Variants in MYO9B observed in about 807,000 individuals in gnomAD.
MYO9B encodes unconventional myosin-IXb.
MYO9B carries 71 observed loss-of-function variants against 229.5 expected under a neutral mutation model. The ratio of observed to expected loss-of-function variants is 0.31; its 90% confidence interval spans 0.26 to 0.38. The LOEUF (loss-of-function observed/expected upper bound fraction) is 0.38, where lower values mean the gene tolerates loss of function less well. MYO9B is among the 10% of genes least tolerant of loss of function. MYO9B has a pLI of 1.00. For synonymous variants in MYO9B, 1,185 were observed against 1,235.8 expected, an observed-to-expected ratio of 0.96 and a Z score of 0.86; for missense variants, 2,255 against 2,920.5, an observed-to-expected ratio of 0.77 and a Z score of 5.25.
chr19:17,179,122 G>A (rs1455442258), intron 14 of MYO9B, among the ~76,000 whole-genome samples: 1 of 151,624 alleles, frequency 6.6e-6, no homozygotes, highest in African/African-American at 2.4e-5. Flanking sequence ...ACTGTAGGGT[G>A]TTGAGCAGCA....
intron 2 of MYO9B, among the ~76,000 whole-genome samples, chr19:17,134,322 A>G (rs1161482297): frequency 7.0e-6 from 1 of 143,086 alleles, no homozygotes. Context: ...AGTATCCCTC[A>G]GCTTCATCCA....
At chr19:17,167,898 T>C in intron 10 of MYO9B, 45 bp from the exon 11 acceptor site, 1 of 1,549,788 alleles carries the variant, frequency 6.5e-7, no homozygotes, top group Non-Finnish European at 8.7e-7. Context: ...AGATATTACA[T>C]ATCTGGGAGA....
intron 2 of MYO9B, among the ~76,000 whole-genome samples, 180 bp downstream of exon 2, chr19:17,102,737 CAAA>C (rs1197090249): frequency 7.5e-6 from 1 of 132,894 alleles, no homozygotes; most frequent in Non-Finnish European, 1.6e-5. Flanking sequence ...CTTTTCTCTA[CAAA>C]AAAAAAAAAA....
chr19:17,153,265 C>T (rs1217977127), intron 4 of MYO9B, among the ~76,000 whole-genome samples: 1 of 151,640 alleles, frequency 6.6e-6, no homozygotes, highest in African/African-American at 2.4e-5. Flanking sequence ...CTCACTGCAA[C>T]CTCCGCCTCC....
intron 6 of MYO9B, among the ~76,000 whole-genome samples, chr19:17,155,821 C>A (rs775665879): frequency 1.6e-4 from 25 of 152,004 alleles, no homozygotes; most frequent in Non-Finnish European, 8.8e-5. Flanking sequence ...GAGTTCAAGG[C>A]CAGGCTGGGC....
chr19:17,160,674 A>AT (rs1007167076), intron 8 of MYO9B, among the ~76,000 whole-genome samples: 22 of 147,194 alleles, frequency 1.5e-4, no homozygotes, highest in Non-Finnish European at 3.0e-5. Context: ...GGCCTGGCTA[A>AT]TTTTTTTTGC....
At chr19:17,175,014 C>T (rs1351160826) in intron 13 of MYO9B, among the ~76,000 whole-genome samples, 3 of 151,596 alleles carry the variant, frequency 2.0e-5, no homozygotes, top group Non-Finnish European at 2.9e-5. Context: ...CAATGGTGCA[C>T]ACCGGTAGTC....
At chr19:17,140,684 C>A (rs900388187) in intron 2 of MYO9B, among the ~76,000 whole-genome samples, 1 of 151,606 alleles carries the variant, frequency 6.6e-6, no homozygotes, top group Non-Finnish European at 1.5e-5. Context: ...GACAGGGTTT[C>A]TCCATATTGG....
chr19:17,084,618 C>T (rs1380802839), intron 1 of MYO9B, among the ~76,000 whole-genome samples: 2 of 150,280 alleles, frequency 1.3e-5, no homozygotes. Flanking sequence ...AATCCCAACA[C>T]TTTGGGAGGC....
At chr19:17,088,941 G>A (rs78843736) in intron 1 of MYO9B, among the ~76,000 whole-genome samples, 9,808 of 152,132 alleles carry the variant, frequency 0.064, 341 homozygotes, top group South Asian at 0.11. Flanking sequence ...GCCTCCCAAA[G>A]TGCTAGGATT....
chr19:17,164,080 C>G (rs2072633723), intron 10 of MYO9B, among the ~76,000 whole-genome samples: 1 of 152,128 alleles, frequency 6.6e-6, no homozygotes, highest in African/African-American at 2.4e-5. Context: ...ACAGCTGCAG[C>G]ATTTTATAAG....
chr19:17,078,782 C>G (rs1055543831), intron 1 of MYO9B, among the ~76,000 whole-genome samples: 1 of 152,212 alleles, frequency 6.6e-6, no homozygotes, highest in Admixed American at 6.5e-5. Context: ...GAAGCCCGGC[C>G]TGTACAGGGC....
intron 18 of MYO9B, 54 bp from the exon 19 acceptor site, chr19:17,187,881 G>C: frequency 6.9e-7 from 1 of 1,456,422 alleles, no homozygotes; most frequent in Non-Finnish European, 9.4e-7. Flanking sequence ...CAACAGACTT[G>C]GGCATCCTGT....
intron 1 of MYO9B, among the ~76,000 whole-genome samples, chr19:17,098,783 T>A (rs965923352): frequency 2.6e-5 from 4 of 151,878 alleles, no homozygotes; most frequent in Non-Finnish European, 5.9e-5. Context: ...TACAGAAACA[T>A]TAGCCAGCAT....
chr19:17,099,669 T>C (rs142590136), intron 1 of MYO9B, among the ~76,000 whole-genome samples: 1,801 of 151,672 alleles, frequency 0.012, 46 homozygotes, highest in African/African-American at 0.041. Flanking sequence ...CAAAAAAAAA[T>C]TAGCCAGGCG....
intron 6 of MYO9B, 105 bp downstream of exon 6, chr19:17,154,520 C>T: frequency 1.2e-6 from 1 of 820,490 alleles, no homozygotes; most frequent in East Asian, 2.6e-5. Context: ...TGAAAACAGG[C>T]AGGCAGTGTC....
At chr19:17,126,695 C>T (rs1209621656) in intron 2 of MYO9B, among the ~76,000 whole-genome samples, 8 of 146,482 alleles carry the variant, frequency 5.5e-5, no homozygotes, top group African/African-American at 1.3e-4. Flanking sequence ...GACGGAGTCT[C>T]GCCCTGTTGC....
intron 2 of MYO9B, among the ~76,000 whole-genome samples, chr19:17,105,284 T>C (rs2057781810): frequency 2.4e-5 from 3 of 126,250 alleles, no homozygotes; most frequent in Non-Finnish European, 3.1e-5. Context: ...GAGTTCCAGA[T>C]CAGCCTGGGC....
chr19:17,127,350 G>A (rs2072135096), intron 2 of MYO9B, among the ~76,000 whole-genome samples: 1 of 145,058 alleles, frequency 6.9e-6, no homozygotes, highest in African/African-American at 2.6e-5. Flanking sequence ...TTTTCCAGTT[G>A]GAATCTTGCC....
Sources: allele counts gnomAD v4.1 joint callset (sites outside exome capture counted in the v4.1 genomes callset), GRCh38; gene constraint gnomAD v4.1.1; transcripts MANE v1.5; gene names NCBI Gene and HGNC (gene_info 2026-07-23, HGNC 2026-07-21).